INTS4: variants seen among roughly 807,000 people sequenced by gnomAD.
The protein encoded by INTS4 is integrator complex subunit 4.
INTS4 carries 70 observed loss-of-function variants against 119.5 expected under a neutral mutation model. The ratio of observed to expected loss-of-function variants is 0.59; its 90% CI spans 0.48 to 0.71. The LOEUF (loss-of-function observed/expected upper bound fraction) is 0.71, where lower values mean the gene tolerates loss of function less well. Among genes scored for constraint, INTS4 ranks in the 30% least tolerant of loss-of-function variants. The probability of loss-of-function intolerance (pLI) is 0.00; values close to 1 mark genes in which losing one functional copy is unlikely to be tolerated. For synonymous variants in INTS4, 316 were observed against 419.6 expected (o/e 0.75, Z 3.02); for missense variants, 867 against 1,173.2 (o/e 0.74, Z 3.81).
At chr11:77,990,215 CAA>C (rs59474739) in intron 2 of INTS4, among the ~76,000 whole-genome samples, 67 of 96,156 alleles carry the variant, frequency 7.0e-4, no homozygotes, top group East Asian at 1.7e-3. Context: ...GACCAAGTCT[CAA>C]AAAAAAAAAA....
intron 2 of INTS4, among the ~76,000 whole-genome samples, chr11:77,984,787 G>A (rs1275009075): frequency 6.6e-6 from 1 of 150,734 alleles, no homozygotes; most frequent in Non-Finnish European, 1.5e-5. Flanking sequence ...GAGGTGAGAG[G>A]ATTGCATAAG....
chr11:77,980,657 G>A (rs1326619991), intron 3 of INTS4, among the ~76,000 whole-genome samples: 1 of 152,178 alleles, frequency 6.6e-6, no homozygotes, highest in Admixed American at 6.5e-5. Flanking sequence ...GGTATTACAG[G>A]CCTAGCCTAA....
intron 8 of INTS4, among the ~76,000 whole-genome samples, chr11:77,951,887 T>C (rs1471182439): frequency 6.6e-6 from 1 of 152,090 alleles, no homozygotes; most frequent in Admixed American, 6.5e-5. Context: ...AGAAGACATT[T>C]ATGCAGCCAA....
chr11:77,928,317 T>C (rs1350620786), intron 11 of INTS4, 25 bp downstream of exon 11: 22 of 1,611,054 alleles, frequency 1.4e-5, no homozygotes, highest in Non-Finnish European at 1.9e-5. Context: ...GATGAAGAAA[T>C]GAGTAACAAA....
chr11:77,978,853 CT>C, intron 4 of INTS4, 142 bp downstream of exon 4: 1 of 551,626 alleles, frequency 1.8e-6, no homozygotes, highest in Non-Finnish European at 3.4e-6. Context: ...ACGAAATACA[CT>C]TTATAACAAG....
intron 4 of INTS4, chr11:77,978,756 A>C (rs1856058992): frequency 8.8e-6 from 2 of 226,852 alleles, no homozygotes; most frequent in Middle Eastern, 1.5e-3. Flanking sequence ...CTGAATACAA[A>C]GCACCATAAC....
At chr11:77,945,173 A>G (rs1954018557) in intron 8 of INTS4, among the ~76,000 whole-genome samples, 1 of 152,142 alleles carries the variant, frequency 6.6e-6, no homozygotes, top group Non-Finnish European at 1.5e-5. Flanking sequence ...AATCAGAGGA[A>G]ATTCTTACAG....
intron 21 of INTS4, among the ~76,000 whole-genome samples, chr11:77,891,041 AC>A (rs1020958431): frequency 4.6e-5 from 7 of 152,166 alleles, no homozygotes; most frequent in Non-Finnish European, 7.4e-5. Context: ...CATTTAGTGA[AC>A]CCTTACTGGG....
rs71046921 is a variant in INTS4, at chr11:77,895,527, GAAAAAAAAAAAAAAAAA to G, written c.2229-1195_2229-1179del. On this transcript the variant is annotated intron_variant, in intron 18 of 22. Transcript: ENST00000534064. ...CAACATTCATTCTAATTCTTTTCCT[GAAAAAAAAAAAAAAAAA>G]AAAAAAAAAAAAAGTAGCACTTGAA... 8.4e-4 allele frequency among the ~76,000 whole-genome samples: 33 copies of G among 39,268 alleles called. No individual in the cohort carries two copies. In the East Asian group the frequency reaches 0.015, roughly 18 times the overall value. 25.8% of individuals were successfully genotyped at this position (39,268 alleles called of 152,430 possible).
In INTS4 at chr11:77,961,089, A is replaced by C. The variant is rs746738823; in HGVS notation, c.521T>G (p.Leu174Arg). 2 of 1,611,428 alleles carry C rather than the reference A, an allele frequency of 1.2e-6. No homozygotes were observed. Among genetic ancestry groups the C allele is most frequent in the Admixed American group, 1.7e-5 (1 of 59,678 alleles). ...HGVRNKCLQL[L>R]GNLGSLEKSV... ...TTTCTCCAAAGAGCCAAGATTGCCAAGTAACTGCAGGCACTTATTTCTTAC... is the reference window on the plus strand; with the variant it reads ...TTTCTCCAAAGAGCCAAGATTGCCACGTAACTGCAGGCACTTATTTCTTAC... Residue 174 changes from leucine to arginine, a missense_variant, in exon 5 of 23, where the codon CTT becomes CGT. Around this residue, in one of 5 missense-constraint regions of INTS4, gnomAD observed 224 missense variants for 231.8 expected, o/e 0.97. Transcript: ENST00000534064.
chr11:77,910,164 T>C (rs1292531634), intron 15 of INTS4, among the ~76,000 whole-genome samples: 1 of 152,142 alleles, frequency 6.6e-6, no homozygotes, highest in Non-Finnish European at 1.5e-5. Flanking sequence ...TGTGGCACTA[T>C]TCACAATAGC....
In INTS4 at chr11:77,921,340, C is replaced by T. The variant is rs750190548; in HGVS notation, c.1764G>A (p.Arg588=). ...DSLSHLVPAL[R]LPGRKLVSSA... is the part of the protein sequence containing the mutation. ...AGGACAACAGATGTTTTCAACATAC[C>T]CTCAAGGCAGGAACAAGATGAGAAA... The change falls in exon 14 of 23, where the codon AGG becomes AGA. Residue 588 remains arginine (R), a splice_region_variant and synonymous_variant. Transcript: ENST00000534064. 1 of 1,612,870 alleles carries T rather than the reference C, an allele frequency of 6.2e-7. No individual in the cohort carries two copies. Among genetic ancestry groups the T allele is most frequent in the Non-Finnish European group, 8.5e-7 (1 of 1,179,304 alleles).
chr11:77,927,858 G>C (rs1250213797), intron 11 of INTS4, among the ~76,000 whole-genome samples: 1 of 152,034 alleles, frequency 6.6e-6, no homozygotes, highest in Non-Finnish European at 1.5e-5. Flanking sequence ...ACTCTTTTTA[G>C]TTCCTTGAAT....
At position 77,960,391 on chromosome 11, in the gene INTS4, A is replaced by G; in HGVS notation, c.658T>C (p.Leu220=). 11 of 1,586,592 alleles carry G rather than the reference A, an allele frequency of 6.9e-6. No homozygotes were observed. Among genetic ancestry groups the G allele is most frequent in the Non-Finnish European group, 9.5e-6 (11 of 1,156,778 alleles). The change falls in exon 6 of 23, where the codon TTG becomes CTG. Residue 220 remains leucine (L), a splice_region_variant and synonymous_variant. Coordinates refer to ENST00000534064, the MANE Select transcript of INTS4 (RefSeq NM_033547.4). ...RVRTAAIKAM[L]QLHERGLKLH... Reference sequence around the variant, plus strand: ...TTCAGTCCTCTTTCATGGAGCTGCAACTAGATAATAAATATATAGTTTAAG... The same window carrying G: ...TTCAGTCCTCTTTCATGGAGCTGCAGCTAGATAATAAATATATAGTTTAAG...
chr11:77,932,042 T>C (rs1183557336), intron 10 of INTS4, among the ~76,000 whole-genome samples: 4 of 152,190 alleles, frequency 2.6e-5, no homozygotes, highest in South Asian at 2.1e-4. Context: ...AAAGACTTCA[T>C]GACTTAAACA....
chr11:77,910,620 A>T (rs967508469), intron 15 of INTS4, among the ~76,000 whole-genome samples: 4 of 152,188 alleles, frequency 2.6e-5, no homozygotes, highest in African/African-American at 9.7e-5. Context: ...CTTTAAAAAA[A>T]AAATTTAGTT....
At chr11:77,896,667 A>G (rs2136419018) in intron 18 of INTS4, among the ~76,000 whole-genome samples, 1 of 151,990 alleles carries the variant, frequency 6.6e-6, no homozygotes, top group African/African-American at 2.4e-5. Flanking sequence ...AAAAAAAAAA[A>G]AAGAATTTAC....
chr11:77,914,779 T>G (rs1258744824), intron 15 of INTS4, among the ~76,000 whole-genome samples: 2 of 152,208 alleles, frequency 1.3e-5, no homozygotes, highest in Non-Finnish European at 2.9e-5. Flanking sequence ...GTCCACAGGC[T>G]GTAGTCTGGG....
chr11:77,912,809 C>T (rs1167827251), intron 15 of INTS4, among the ~76,000 whole-genome samples: 4 of 152,102 alleles, frequency 2.6e-5, no homozygotes, highest in African/African-American at 9.7e-5. Context: ...GAGACCAGTT[C>T]CAATACTACA....
Sources: allele counts gnomAD v4.1 joint callset (sites outside exome capture counted in the v4.1 genomes callset), GRCh38; gene constraint gnomAD v4.1.1; regional missense constraint gnomAD v4.1.1; transcripts MANE v1.5; gene names NCBI Gene and HGNC (gene_info 2026-07-23, HGNC 2026-07-21).